The following IL6ST variants were observed in gnomAD, a reference collection of about 807,000 sequenced individuals.
The protein encoded by IL6ST is interleukin 6 cytokine family signal transducer.
A neutral mutation model predicts 91.3 loss-of-function variants in IL6ST; 24 were observed. The observed-to-expected ratio is 0.26, with a 90% CI of 0.19 to 0.37. The LOEUF is 0.37. Among genes scored for constraint, IL6ST ranks in the 10% least tolerant of loss-of-function variants. The pLI, the probability that IL6ST is intolerant of heterozygous loss-of-function variation, is 1.00. For missense variants in IL6ST, 914 were observed against 1,078.5 expected (o/e 0.85, Z 2.14); for synonymous variants, 351 against 373.6 (o/e 0.94, Z 0.70).
intron 5 of IL6ST, among the ~76,000 whole-genome samples, chr5:55,964,731 TAG>T: frequency 6.6e-6 from 1 of 152,254 alleles, no homozygotes; most frequent in East Asian, 1.9e-4. Flanking sequence ...CCTTAGCCTT[TAG>T]TCTTAGGGCT....
Position 55,939,791 on chromosome 5 carries a change from GT to G in IL6ST, c.*1290del. 4.9e-6 allele frequency: 1 copy of G among 204,970 alleles called. No individual in the cohort carries two copies. Among genetic ancestry groups the G allele is most frequent in the East Asian group, 7.4e-5 (1 of 13,480 alleles). The allele number at this position is 204,970 out of a possible 1,614,324, so 12.7% of individuals were successfully genotyped here. On this transcript the variant is annotated 3_prime_UTR_variant, in exon 17 of 17. Transcript: ENST00000381298. ...GTCACTTCTCCCTTGAAGAAAAAAG[GT>G]TTTAAAAATTCCTAAATCACAATGT...
intron 1 of IL6ST, among the ~76,000 whole-genome samples, chr5:55,984,262 C>G (rs1166770165): frequency 6.6e-6 from 1 of 152,138 alleles, no homozygotes; most frequent in African/African-American, 2.4e-5. Context: ...TTTGCCAACC[C>G]CTGTTCTAAA....
chr5:55,943,386 CA>C (rs1204404641), intron 15 of IL6ST, among the ~76,000 whole-genome samples: 1 of 152,022 alleles, frequency 6.6e-6, no homozygotes, highest in Non-Finnish European at 1.5e-5. Context: ...AAACTCTGGG[CA>C]AAAGGAAACA....
intron 11 of IL6ST, among the ~76,000 whole-genome samples, chr5:55,954,244 A>G (rs771481582): frequency 6.6e-6 from 1 of 152,350 alleles, no homozygotes; most frequent in African/African-American, 2.4e-5. Context: ...AATTATCAAC[A>G]AAAGACTATA....
At chr5:55,956,505 G>A (rs747701662) in intron 9 of IL6ST, among the ~76,000 whole-genome samples, 1 of 152,106 alleles carries the variant, frequency 6.6e-6, no homozygotes, top group Non-Finnish European at 1.5e-5. Flanking sequence ...GGCTATGTAG[G>A]TCTAAATTAT....
intron 15 of IL6ST, among the ~76,000 whole-genome samples, chr5:55,946,308 T>A (rs1384769897): frequency 2.0e-5 from 3 of 152,216 alleles, no homozygotes; most frequent in Admixed American, 1.3e-4. Flanking sequence ...CAGTTTCTTA[T>A]AAAGTTGAAC....
At chr5:55,990,093 G>C (rs1053642836) in intron 1 of IL6ST, among the ~76,000 whole-genome samples, 4 of 152,174 alleles carry the variant, frequency 2.6e-5, no homozygotes, top group African/African-American at 9.7e-5. Flanking sequence ...CATTCCAAAT[G>C]TAACAGGGCA....
At chr5:55,986,650 CATTT>C (rs1349543070) in intron 1 of IL6ST, among the ~76,000 whole-genome samples, 1 of 152,086 alleles carries the variant, frequency 6.6e-6, no homozygotes, top group East Asian at 1.9e-4. Flanking sequence ...TACTTTTCTG[CATTT>C]ATTTTTCTTA....
intron 10 of IL6ST, among the ~76,000 whole-genome samples, 195 bp from the exon 11 acceptor site, chr5:55,955,187 G>A (rs896524742): frequency 3.3e-5 from 5 of 152,202 alleles, no homozygotes; most frequent in African/African-American, 1.2e-4. Flanking sequence ...GCTGGGCACT[G>A]TGGCTCATTC....
chr5:55,936,558 C>T lies in IL6ST; in HGVS notation c.*4524G>A. ...AAACCCACACGAAGCATCTCATTTA[C>T]ACTAAGATGCTTATTTAGCTAACAC... On this transcript the variant is annotated 3_prime_UTR_variant, in exon 17 of 17. Transcript: ENST00000381298. 4.9e-6 allele frequency: 1 copy of T among 204,912 alleles called. No individual in the cohort carries two copies. The highest frequency in any genetic ancestry group is 1.0e-5 in the Non-Finnish European group (1 of 100,232). The allele number at this position is 204,912 out of a possible 1,614,324, so 12.7% of individuals were successfully genotyped here. A position where few individuals can be genotyped will look rare whatever the true frequency, so the allele number is the denominator to read the frequency against.
chr5:55,953,856 A>G (rs1751796859), intron 11 of IL6ST, among the ~76,000 whole-genome samples: 1 of 152,180 alleles, frequency 6.6e-6, no homozygotes, highest in African/African-American at 2.4e-5. Flanking sequence ...GTGTGGCAGC[A>G]TGTGCCTGTA....
chr5:55,979,821 T>C (rs1016235853), intron 2 of IL6ST, among the ~76,000 whole-genome samples: 2 of 152,204 alleles, frequency 1.3e-5, no homozygotes, highest in African/African-American at 2.4e-5. Context: ...AAACAACACA[T>C]GTACAAAGTT....
intron 9 of IL6ST, 29 bp from the exon 10 acceptor site, chr5:55,956,264 T>G (rs1250613078): frequency 7.9e-7 from 1 of 1,271,642 alleles, no homozygotes; most frequent in Non-Finnish European, 1.1e-6. Flanking sequence ...TTTTTAAAAA[T>G]AATCTCATAA....
chr5:55,968,806 T>C (rs186660915), intron 4 of IL6ST, among the ~76,000 whole-genome samples: 2 of 152,354 alleles, frequency 1.3e-5, no homozygotes, highest in East Asian at 3.9e-4. Flanking sequence ...CCCAAACTCG[T>C]TGGAAGAAAA....
intron 3 of IL6ST, among the ~76,000 whole-genome samples, chr5:55,974,981 A>G (rs1156509885): frequency 6.6e-6 from 1 of 150,564 alleles, no homozygotes; most frequent in Non-Finnish European, 1.5e-5. Context: ...ACACACACAC[A>G]CGTACACATA....
At chr5:55,954,422 T>C (rs1430102908) in intron 11 of IL6ST, among the ~76,000 whole-genome samples, 2 of 152,210 alleles carry the variant, frequency 1.3e-5, no homozygotes, top group African/African-American at 4.8e-5. Context: ...CTCTATCTGA[T>C]GGTTCTAAGA....
At position 55,941,530 on chromosome 5, in the gene IL6ST, T is replaced by C. The variant is rs1308607873; in HGVS notation, c.2309A>G (p.Gln770Arg). Reference protein sequence around the residue: ...STVVHSGYRHQVPSVQVFSRS... With the variant: ...STVVHSGYRHRVPSVQVFSRS... ...TGAGAAGACTTGGACTGACGGAACT[T>C]GGTGTCTGTAGCCACTGTGTACCAC... The change falls in exon 17 of 17, where the codon CAA becomes CGA. Residue 770 changes from glutamine (Q) to arginine (R), a missense_variant. By Grantham distance (43) the Gln-to-Arg change is conservative. Transcript: ENST00000381298. 1.2e-6 allele frequency: 2 copies of C among 1,614,214 alleles called. No individual in the cohort carries two copies. Among genetic ancestry groups the C allele is most frequent in the Non-Finnish European group, 1.7e-6 (2 of 1,180,008 alleles).
chr5:55,959,387 G>C (rs890976397), intron 8 of IL6ST, among the ~76,000 whole-genome samples: 1 of 152,146 alleles, frequency 6.6e-6, no homozygotes, highest in African/African-American at 2.4e-5. Context: ...GAAGTAAAGG[G>C]ATATAGGTGG....
At chr5:55,972,656 T>C (rs967038106) in intron 3 of IL6ST, among the ~76,000 whole-genome samples, 4 of 152,174 alleles carry the variant, frequency 2.6e-5, no homozygotes, top group African/African-American at 9.7e-5. Context: ...GAAAGGTATC[T>C]GATAAAGTTA....
Sources: gnomAD v4.1 joint callset for allele counts (sites outside exome capture counted in the v4.1 genomes callset) on GRCh38, gnomAD v4.1.1 for gene constraint, MANE v1.5 for transcripts, NCBI Gene and HGNC (gene_info 2026-07-23, HGNC 2026-07-21) for gene names.